The following RAPGEF5 variants were observed in gnomAD, a reference collection of about 807,000 sequenced individuals.
RAPGEF5 encodes Rap guanine nucleotide exchange factor 5, also known as M-Ras-regulated GEF.
Under a neutral mutation model 125.2 loss-of-function variants are expected in RAPGEF5, and 65 were observed. The ratio of observed to expected loss-of-function variants is 0.52; its 90% CI spans 0.43 to 0.64. The LOEUF (loss-of-function observed/expected upper bound fraction) is 0.64. Among genes scored for constraint, RAPGEF5 ranks in the 30% least tolerant of loss-of-function variants. The pLI is 0.00. For missense variants in RAPGEF5, 958 were observed against 1,048.1 expected, an observed-to-expected ratio of 0.91 and a Z score of 1.19; for synonymous variants, 391 against 385.9, an observed-to-expected ratio of 1.01 and a Z score of -0.16.
intron 23 of RAPGEF5, 80 bp downstream of exon 23, chr7:22,135,958 C>T (rs1783066059): frequency 2.8e-6 from 3 of 1,069,184 alleles, no homozygotes; most frequent in Non-Finnish European, 4.1e-6. Context: ...AAATGAGAGT[C>T]CCTTTTTTGC....
intron 5 of RAPGEF5, among the ~76,000 whole-genome samples, chr7:22,301,034 C>G (rs142956856): frequency 2.8e-4 from 43 of 152,360 alleles, no homozygotes; most frequent in Non-Finnish European, 4.7e-4. Flanking sequence ...AGGGAAAACT[C>G]ACACCTGTGT....
intron 9 of RAPGEF5, among the ~76,000 whole-genome samples, chr7:22,196,116 C>T (rs1428910539): frequency 6.6e-6 from 1 of 152,000 alleles, no homozygotes; most frequent in African/African-American, 2.4e-5. Context: ...TGATAGTTTT[C>T]CATTTTGAAG....
chr7:22,279,969 G>A (rs534575556), intron 6 of RAPGEF5, among the ~76,000 whole-genome samples: 26 of 152,212 alleles, frequency 1.7e-4, no homozygotes, highest in Non-Finnish European at 3.4e-4. Context: ...TAATGCCCTC[G>A]TGCTTCCTAT....
chr7:22,193,264 C>G (rs1785051889), intron 11 of RAPGEF5, 103 bp downstream of exon 11: 1 of 1,285,584 alleles, frequency 7.8e-7, no homozygotes, highest in Non-Finnish European at 1.1e-6. Flanking sequence ...TGCTATTTCT[C>G]CCCACCCCGG....
At chr7:22,324,096 G>T (rs1023165952) in intron 1 of RAPGEF5, among the ~76,000 whole-genome samples, 9 of 152,182 alleles carry the variant, frequency 5.9e-5, no homozygotes, top group African/African-American at 2.2e-4. Flanking sequence ...GTGGAGTTTA[G>T]CTCACACCAC....
intron 12 of RAPGEF5, 129 bp from the exon 13 acceptor site, chr7:22,162,670 G>A (rs996817734): frequency 5.3e-5 from 49 of 927,598 alleles, no homozygotes; most frequent in African/African-American, 4.9e-4. Context: ...TAGAATATGC[G>A]TAGGGAGAGC....
chr7:22,264,250 T>C (rs1782229392), intron 7 of RAPGEF5, among the ~76,000 whole-genome samples: 1 of 152,120 alleles, frequency 6.6e-6, no homozygotes, highest in African/African-American at 2.4e-5. Context: ...GATTATAGAG[T>C]TACTGGAATA....
chr7:22,135,489 G>C (rs1284601587), intron 23 of RAPGEF5, among the ~76,000 whole-genome samples: 1 of 152,170 alleles, frequency 6.6e-6, no homozygotes, highest in African/African-American at 2.4e-5. Flanking sequence ...GTGGGGAGTG[G>C]TCAGTGGAGT....
intron 6 of RAPGEF5, among the ~76,000 whole-genome samples, chr7:22,268,828 CA>C (rs1782348321): frequency 6.6e-6 from 1 of 152,080 alleles, no homozygotes; most frequent in South Asian, 2.1e-4. Flanking sequence ...AAATGATGCC[CA>C]AAATAGAAAC....
rs755421691 is a variant in RAPGEF5 at position 22,220,127 on chromosome 7, G to A, written c.871-136C>T. 3 of 1,218,540 alleles carry A rather than the reference G, an allele frequency of 2.5e-6. No homozygotes were observed. In the East Asian group the frequency reaches 7.7e-5, roughly 31 times the overall value. 75.5% of individuals were successfully genotyped at this position (1,218,540 alleles called of 1,614,324 possible). On this transcript the variant is annotated intron_variant, in intron 8 of 25. Transcript: ENST00000665637. ...AATCATGGTCTTGGTAAAATATTTT[G>A]CCTTTCAAAAATTGAAGTTACATTA...
At chr7:22,128,426 G>C (rs1014686523) in intron 24 of RAPGEF5, among the ~76,000 whole-genome samples, 1 of 152,146 alleles carries the variant, frequency 6.6e-6, no homozygotes, top group African/African-American at 2.4e-5. Flanking sequence ...TGAATTATCT[G>C]TTAGCTGGCT....
chr7:22,262,053 A>G (rs1248966513), intron 7 of RAPGEF5, among the ~76,000 whole-genome samples: 1 of 152,160 alleles, frequency 6.6e-6, no homozygotes, highest in African/African-American at 2.4e-5. Flanking sequence ...AAAATTAATA[A>G]ATTGGACTTT....
At chr7:22,246,434 C>T (rs972213615) in intron 7 of RAPGEF5, among the ~76,000 whole-genome samples, 1 of 152,048 alleles carries the variant, frequency 6.6e-6, no homozygotes, top group Admixed American at 6.6e-5. Context: ...CACACCTACA[C>T]CCATCTGATC....
intron 20 of RAPGEF5, among the ~76,000 whole-genome samples, chr7:22,142,924 G>C (rs1310985682): frequency 2.0e-5 from 3 of 152,156 alleles, no homozygotes; most frequent in Non-Finnish European, 4.4e-5. Context: ...TTATGTTTCT[G>C]TTGGCATTCT....
rs553302336 is a variant in RAPGEF5 at position 22,169,859 on chromosome 7, C to CCAAAAAAAAAAAAAAA, written c.1205-2712_1205-2711insTTTTTTTTTTTTTTTG. ...TGTGCAACAGAGCGAGACTCTGTGT[C>CCAAAAAAAAAAAAAAA]AAAAAAAAAAAAAAAAAAAAAAGCT... On this transcript the variant is annotated intron_variant, in intron 11 of 25. Transcript: ENST00000665637. 5.8e-4 allele frequency among the ~76,000 whole-genome samples: 15 copies of CCAAAAAAAAAAAAAAA among 25,946 alleles called. 1 individual carries two copies. The highest frequency in any genetic ancestry group is 2.6e-3 in the African/African-American group (13 of 4,926). 17.0% of individuals were successfully genotyped at this position (25,946 alleles called of 152,430 possible). A position where few individuals can be genotyped will look rare whatever the true frequency, so the allele number is the denominator to read the frequency against.
rs759409273 is a variant in RAPGEF5 at position 22,291,244 on chromosome 7, A to G, written c.681-3T>C. 3.3e-4 allele frequency: 59 copies of G among 176,722 alleles called. No individual in the cohort carries two copies. The highest frequency in any genetic ancestry group is 6.5e-4 in the Non-Finnish European group (58 of 88,862). The allele number at this position is 176,722 out of a possible 1,614,324, so 10.9% of individuals were successfully genotyped here. ...AGTCTTCAATTTTCTGATGAGACCT[A>G]AAAAAAAAAAAAAGAACAAATTACT... On this transcript the variant is annotated splice_polypyrimidine_tract_variant and splice_region_variant and intron_variant, in intron 5 of 25. Transcript: ENST00000665637.
intron 11 of RAPGEF5, among the ~76,000 whole-genome samples, chr7:22,180,288 T>C (rs80136480): frequency 1.3e-5 from 2 of 152,336 alleles, no homozygotes; most frequent in South Asian, 2.1e-4. Context: ...CCTGGGCATG[T>C]TGCTCCCCTG....
At chr7:22,140,576 T>C (rs1232322066) in intron 20 of RAPGEF5, among the ~76,000 whole-genome samples, 1 of 152,184 alleles carries the variant, frequency 6.6e-6, no homozygotes, top group East Asian at 1.9e-4. Context: ...TTTTCTTTGC[T>C]ACCAACAAAA....
intron 20 of RAPGEF5, among the ~76,000 whole-genome samples, chr7:22,142,252 C>T (rs1282805090): frequency 1.3e-5 from 2 of 152,170 alleles, no homozygotes; most frequent in African/African-American, 2.4e-5. Context: ...CTAGAGTATA[C>T]GTCTAATCAT....
Sources: gnomAD v4.1 joint callset for allele counts (sites outside exome capture counted in the v4.1 genomes callset) on GRCh38, gnomAD v4.1.1 for gene constraint, MANE v1.5 for transcripts, NCBI Gene and HGNC (gene_info 2026-07-23, HGNC 2026-07-21) for gene names.